Variants in RALGAPB observed in about 807,000 individuals in gnomAD.
RALGAPB encodes the protein ral GTPase-activating protein subunit beta.
Under a neutral mutation model 161.1 loss-of-function variants are expected in RALGAPB, and 25 were observed. The observed-to-expected ratio is 0.16, with a 90% CI of 0.11 to 0.22. The LOEUF is 0.22. Among genes scored for constraint, RALGAPB ranks in the 10% least tolerant of loss-of-function variants. The pLI is 1.00. For synonymous variants in RALGAPB, 629 were observed against 626.1 expected, an observed-to-expected ratio of 1.00 and a Z score of -0.07; for missense variants, 1,391 against 1,815.2, an observed-to-expected ratio of 0.77 and a Z score of 4.25.
In RALGAPB at chr20:38,497,359, A is replaced by G. The variant is rs773406185; in HGVS notation, c.396A>G (p.Glu132=). Reference sequence around the variant, plus strand: ...ATCTGTCTGTCTTCTTCAGACAGGAACAGGGTTCCAGTCAGATTCGACTAT... The same window carrying G: ...ATCTGTCTGTCTTCTTCAGACAGGAGCAGGGTTCCAGTCAGATTCGACTAT... The part of the protein sequence containing the change: ...HLQNLFVPRQ[E]QGSSQIRLCL... Residue 132 remains glutamate (E), a synonymous_variant, in exon 4 of 30, where the codon GAA becomes GAG. Transcript: ENST00000262879. 1.9e-6 allele frequency: 3 copies of G among 1,613,650 alleles called. No homozygotes were observed. The highest frequency in any genetic ancestry group is 1.7e-5 in the Admixed American group (1 of 59,938).
intron 4 of RALGAPB, among the ~76,000 whole-genome samples, chr20:38,498,683 T>C (rs1390873132): frequency 6.6e-6 from 1 of 152,252 alleles, no homozygotes; most frequent in Admixed American, 6.5e-5. Flanking sequence ...CTTACAACTT[T>C]TCCTGTGAGT....
chr20:38,477,594 A>G (rs1018880738), intron 1 of RALGAPB, among the ~76,000 whole-genome samples: 1 of 152,148 alleles, frequency 6.6e-6, no homozygotes, highest in Non-Finnish European at 1.5e-5. Context: ...ATGAGGTTAT[A>G]TGGATGAATT....
At chr20:38,566,554 T>A (rs2088007339) in intron 25 of RALGAPB, among the ~76,000 whole-genome samples, 1 of 152,162 alleles carries the variant, frequency 6.6e-6, no homozygotes, top group Admixed American at 6.5e-5. Flanking sequence ...TCCTCCTATT[T>A]CTGATATTTG....
chr20:38,565,548 C>A, intron 25 of RALGAPB, 70 bp downstream of exon 25: 1 of 1,534,368 alleles, frequency 6.5e-7, no homozygotes, highest in Non-Finnish European at 8.9e-7. Flanking sequence ...GATATTACTG[C>A]ATTGGAAGAG....
intron 18 of RALGAPB, among the ~76,000 whole-genome samples, 181 bp downstream of exon 18, chr20:38,541,373 A>C (rs1255466771): frequency 6.6e-6 from 1 of 152,136 alleles, no homozygotes; most frequent in Non-Finnish European, 1.5e-5. Context: ...TGTTTTGTAG[A>C]CCAAAAGAAA....
At chr20:38,509,024 G>T in intron 5 of RALGAPB, 53 bp from the exon 6 acceptor site, 1 of 1,575,924 alleles carries the variant, frequency 6.3e-7, no homozygotes, top group South Asian at 1.1e-5. Flanking sequence ...ATGCTTGAGT[G>T]TATTTTTCAA....
Position 38,497,478 on chromosome 20 carries a change from A to G in RALGAPB, c.515A>G (p.Gln172Arg). 2 of 1,614,080 alleles carry G rather than the reference A, an allele frequency of 1.2e-6. No homozygotes were observed. The change falls in exon 4 of 30, where the codon CAG becomes CGG. Residue 172 changes from glutamine (Q) to arginine (R), a missense_variant. This residue lies in a region of RALGAPB where 946 missense variants were observed against 1,257.2 expected (regional missense o/e 0.75). Transcript: ENST00000262879. ...TWEVLLLFLL[Q>R]INDILLAPPT... ...GAAGTCTTACTGTTGTTTCTTCTGC[A>G]GATTAACGACATACTTCTGGCCCCA...
At chr20:38,506,057 CT>C (rs2085753238) in intron 5 of RALGAPB, among the ~76,000 whole-genome samples, 1 of 3,264 alleles carries the variant, frequency 3.1e-4, no homozygotes, top group South Asian at 5.5e-3. Flanking sequence ...TTGCCTTCTA[CT>C]GCCTGAGTAC....
chr20:38,497,216 G>A, intron 3 of RALGAPB, 137 bp from the exon 4 acceptor site: 1 of 720,974 alleles, frequency 1.4e-6, no homozygotes, highest in Admixed American at 3.1e-5. Flanking sequence ...ACTGAAGACG[G>A]TATGCCTAGC....
chr20:38,513,096 G>A lies in RALGAPB; in HGVS notation c.873-3096G>A, dbSNP rs549744534. On this transcript the variant is annotated intron_variant, in intron 6 of 29. Transcript: ENST00000262879. The stretch of plus-strand genomic sequence containing the variant: ...ATTTTTAAAAATATAGGCCAGGCAC[G>A]GTGGCTCACGCCTATAATAATAGCA... Among the ~76,000 whole-genome samples the A allele has an allele frequency of 1.4e-3, 216 of 152,164 alleles. 1 individual carries two copies. The highest frequency in any genetic ancestry group is 4.6e-3 in the African/African-American group (190 of 41,538).
rs767045879 is a variant in RALGAPB at position 38,499,538 on chromosome 20, T to A, written c.645T>A (p.Pro215=). Residue 215 remains proline (P), a synonymous_variant, in exon 5 of 30, where the codon CCT becomes CCA. Coordinates refer to ENST00000262879, the MANE Select transcript of RALGAPB (RefSeq NM_020336.4). ...GTACTCGGTGCTTCCCAACACCTCCTTATTGGAAAACAGCCAAGGAGATGG... is the reference window on the plus strand; with the variant it reads ...GTACTCGGTGCTTCCCAACACCTCCATATTGGAAAACAGCCAAGGAGATGG... ...LACTRCFPTP[P]YWKTAKEMVA... 6.2e-7 allele frequency: 1 copy of A among 1,614,056 alleles called. No individual in the cohort carries two copies. Among genetic ancestry groups the A allele is most frequent in the Non-Finnish European group, 8.5e-7 (1 of 1,179,972 alleles).
chr20:38,476,938 A>G (rs762731405), intron 1 of RALGAPB, among the ~76,000 whole-genome samples: 9 of 152,248 alleles, frequency 5.9e-5, no homozygotes, highest in Non-Finnish European at 8.8e-5. Flanking sequence ...AGTTGAAAAT[A>G]ATAAGTTGAG....
intron 1 of RALGAPB, among the ~76,000 whole-genome samples, chr20:38,477,443 A>C (rs146719563): frequency 2.0e-3 from 297 of 152,202 alleles, no homozygotes; most frequent in African/African-American, 6.9e-3. Flanking sequence ...TGCAGGCAGA[A>C]CCTGTCTTTG....
intron 13 of RALGAPB, among the ~76,000 whole-genome samples, chr20:38,530,162 TAG>T (rs922497765): frequency 6.6e-6 from 1 of 152,212 alleles, no homozygotes; most frequent in African/African-American, 2.4e-5. Context: ...TTCAGTCTGT[TAG>T]AGAGATGAAC....
chr20:38,506,060 CCTG>C (rs1323015011), intron 5 of RALGAPB, among the ~76,000 whole-genome samples: 30 of 3,478 alleles, frequency 8.6e-3, no homozygotes, highest in Non-Finnish European at 0.013. Flanking sequence ...CCTTCTACTG[CCTG>C]AGTACTGCAT....
chr20:38,507,324 T>C (rs2085791436), intron 5 of RALGAPB, among the ~76,000 whole-genome samples: 1 of 152,190 alleles, frequency 6.6e-6, no homozygotes, highest in African/African-American at 2.4e-5. Flanking sequence ...AGTTTTCCAT[T>C]ATATAATTGG....
At chr20:38,501,827 GAC>G (rs1423897588) in intron 5 of RALGAPB, among the ~76,000 whole-genome samples, 1 of 151,836 alleles carries the variant, frequency 6.6e-6, no homozygotes, top group African/African-American at 2.4e-5. Flanking sequence ...TGAAATTTGA[GAC>G]AATTTGAAAA....
intron 26 of RALGAPB, 47 bp downstream of exon 26, chr20:38,567,279 G>A: frequency 6.3e-7 from 1 of 1,591,172 alleles, no homozygotes; most frequent in Non-Finnish European, 8.6e-7. Context: ...AGTGAAATCA[G>A]GGTAATTATA....
At chr20:38,539,442 A>G (rs1048225497) in intron 16 of RALGAPB, among the ~76,000 whole-genome samples, 2 of 152,194 alleles carry the variant, frequency 1.3e-5, no homozygotes, top group Non-Finnish European at 2.9e-5. Flanking sequence ...AGCCTAGTGC[A>G]TCACTGTGAG....
Sources: allele counts gnomAD v4.1 joint callset (sites outside exome capture counted in the v4.1 genomes callset), GRCh38; gene constraint gnomAD v4.1.1; regional missense constraint gnomAD v4.1.1; transcripts MANE v1.5; gene names NCBI Gene and HGNC (gene_info 2026-07-23, HGNC 2026-07-21).